The following ZCWPW2 variants were observed in gnomAD, a reference collection of about 807,000 sequenced individuals.
The protein encoded by ZCWPW2 is zinc finger CW-type and PWWP domain containing 2.
ZCWPW2 carries 45 observed loss-of-function variants against 46.6 expected under a neutral mutation model. The ratio of observed to expected loss-of-function variants is 0.96; its 90% CI spans 0.76 to 1.24. The LOEUF is 1.24. Among genes scored for constraint, ZCWPW2 ranks in the 50% most tolerant of loss-of-function variants. The pLI is 0.00. For synonymous variants in ZCWPW2, 152 were observed against 137.1 expected, an observed-to-expected ratio of 1.11 and a Z score of -0.76; for missense variants, 429 against 403.9, an observed-to-expected ratio of 1.06 and a Z score of -0.53.
At chr3:28,400,241 A>G (rs1695866853) in intron 2 of ZCWPW2, among the ~76,000 whole-genome samples, 1 of 152,096 alleles carries the variant, frequency 6.6e-6, no homozygotes, top group Admixed American at 6.5e-5. Flanking sequence ...ACAAAAAACA[A>G]CAACAACAAA....
At chr3:28,350,242 A>C (rs936654554) in intron 1 of ZCWPW2, among the ~76,000 whole-genome samples, 1 of 152,226 alleles carries the variant, frequency 6.6e-6, no homozygotes, top group Non-Finnish European at 1.5e-5. Context: ...AAATTGGTTG[A>C]GGCATCACAA....
In ZCWPW2 at chr3:28,478,811, T is replaced by C. The variant is rs111668902; in HGVS notation, c.493-3T>C. Reference sequence around the variant, plus strand: ...TTTTTTTCTTTTTTCTGTATTTATATAGCCAGAAAAGTGTAAGAATAAAAA... The same window carrying C: ...TTTTTTTCTTTTTTCTGTATTTATACAGCCAGAAAAGTGTAAGAATAAAAA... On this transcript the variant is annotated splice_polypyrimidine_tract_variant and splice_region_variant and intron_variant, in intron 4 of 9. Coordinates refer to ENST00000383768, the MANE Select transcript of ZCWPW2 (RefSeq NM_001040432.4). The C allele has an allele frequency of 1.3e-4, 199 of 1,484,486 alleles. 3 individuals are homozygous for C. In the African/African-American group the frequency reaches 2.4e-3, roughly 18 times the overall value. 92.0% of individuals were successfully genotyped at this position (1,484,486 alleles called of 1,614,324 possible). A position where few individuals can be genotyped will look rare whatever the true frequency, so the allele number is the denominator to read the frequency against.
intron 4 of ZCWPW2, among the ~76,000 whole-genome samples, chr3:28,467,772 G>A (rs761469752): frequency 2.0e-5 from 3 of 152,196 alleles, no homozygotes; most frequent in African/African-American, 4.8e-5. Flanking sequence ...CTAGGCTTAC[G>A]GGGCTCACTA....
intron 1 of ZCWPW2, among the ~76,000 whole-genome samples, chr3:28,389,062 T>G (rs1695385778): frequency 6.6e-6 from 1 of 152,154 alleles, no homozygotes; most frequent in Admixed American, 6.6e-5. Context: ...AACTTCCAGT[T>G]CAATGGAATC....
intron 1 of ZCWPW2, among the ~76,000 whole-genome samples, chr3:28,359,888 A>G (rs139035536): frequency 1.9e-3 from 294 of 152,276 alleles, no homozygotes; most frequent in African/African-American, 6.6e-3. Context: ...TATAATTCAT[A>G]ATTTCATTTG....
At chr3:28,498,514 G>A (rs1455496267) in intron 6 of ZCWPW2, among the ~76,000 whole-genome samples, 3 of 151,858 alleles carry the variant, frequency 2.0e-5, no homozygotes, top group Non-Finnish European at 2.9e-5. Context: ...TATTATAATA[G>A]GTGGTTAATA....
At chr3:28,407,160 C>T (rs1026607403) in intron 2 of ZCWPW2, among the ~76,000 whole-genome samples, 2 of 152,170 alleles carry the variant, frequency 1.3e-5, no homozygotes, top group African/African-American at 4.8e-5. Context: ...GCTCCATCAC[C>T]TTGGTAAAGT....
rs867644650 is a variant in ZCWPW2 at position 28,390,616 on chromosome 3, C to T, written c.-15C>T. On this transcript the variant is annotated splice_region_variant and 5_prime_UTR_variant, in exon 2 of 10. Coordinates refer to ENST00000383768, the MANE Select transcript of ZCWPW2 (RefSeq NM_001040432.4). ...CTAGGAACAAAAGAAAAGTCTAACT[C>T]CGTAAGTACTTGAGAAACTCCAAAA... The T allele has an allele frequency of 1.0e-6, 1 of 985,324 alleles. No homozygotes were observed. 61.0% of individuals were successfully genotyped at this position (985,324 alleles called of 1,614,324 possible). A position where few individuals can be genotyped will look rare whatever the true frequency, so the allele number is the denominator to read the frequency against.
At chr3:28,449,862 A>G (rs1698156035) in intron 4 of ZCWPW2, among the ~76,000 whole-genome samples, 1 of 152,170 alleles carries the variant, frequency 6.6e-6, no homozygotes, top group African/African-American at 2.4e-5. Flanking sequence ...GTAGGTACAT[A>G]TCTGTGGAAC....
chr3:28,498,008 T>C (rs1398033037), intron 6 of ZCWPW2, among the ~76,000 whole-genome samples: 1 of 152,060 alleles, frequency 6.6e-6, no homozygotes, highest in Admixed American at 6.6e-5. Context: ...TCCCGTGAAC[T>C]ATAAGATATT....
intron 2 of ZCWPW2, among the ~76,000 whole-genome samples, chr3:28,412,143 CTTTTTA>C (rs1055097100): frequency 7.3e-5 from 11 of 151,634 alleles, no homozygotes; most frequent in African/African-American, 2.2e-4. Flanking sequence ...GTACATTAGT[CTTTTTA>C]TTTTTAAGAA....
At chr3:28,395,490 A>G (rs1418770677) in intron 2 of ZCWPW2, among the ~76,000 whole-genome samples, 1 of 152,224 alleles carries the variant, frequency 6.6e-6, no homozygotes, top group Non-Finnish European at 1.5e-5. Context: ...CACATTAGCC[A>G]AGAAGTGGAA....
In ZCWPW2 at chr3:28,348,848, C is replaced by T; in HGVS notation, c.-489C>T. 1 of 670,470 alleles carries T rather than the reference C, an allele frequency of 1.5e-6. No homozygotes were observed. Among genetic ancestry groups the T allele is most frequent in the Non-Finnish European group, 1.8e-6 (1 of 541,988 alleles). 41.5% of individuals were successfully genotyped at this position (670,470 alleles called of 1,614,324 possible). A position where few individuals can be genotyped will look rare whatever the true frequency, so the allele number is the denominator to read the frequency against. On this transcript the variant is annotated 5_prime_UTR_variant, in exon 1 of 10. Transcript: ENST00000383768. ...AGGGACGAGCCGAGGCAGGAGGGGC[C>T]GGGCCGACGCGAGAGAAGGCCCGTT... is the stretch of plus-strand genomic sequence containing the variant.
chr3:28,453,811 ATTT>A (rs1454323757), intron 4 of ZCWPW2, among the ~76,000 whole-genome samples: 1 of 147,330 alleles, frequency 6.8e-6, no homozygotes, highest in Non-Finnish European at 1.5e-5. Context: ...TTATTTATTT[ATTT>A]ATTTATTTAT....
intron 4 of ZCWPW2, chr3:28,460,965 T>C (rs1450924258): frequency 3.9e-6 from 1 of 257,184 alleles, no homozygotes; most frequent in Non-Finnish European, 8.8e-6. Context: ...TTTATTTCTT[T>C]AGATTATGAG....
At chr3:28,496,747 A>G (rs183662492) in intron 6 of ZCWPW2, among the ~76,000 whole-genome samples, 2 of 152,014 alleles carry the variant, frequency 1.3e-5, no homozygotes, top group East Asian at 3.9e-4. Flanking sequence ...ATATTAGGTA[A>G]TTACTAAGTG....
At chr3:28,479,512 T>G (rs1299075784) in intron 5 of ZCWPW2, among the ~76,000 whole-genome samples, 1 of 152,190 alleles carries the variant, frequency 6.6e-6, no homozygotes, top group Non-Finnish European at 1.5e-5. Context: ...TATAGTAGGT[T>G]TGACATTTTT....
At chr3:28,365,160 C>A (rs1470376141) in intron 1 of ZCWPW2, among the ~76,000 whole-genome samples, 1 of 150,420 alleles carries the variant, frequency 6.6e-6, no homozygotes, top group Non-Finnish European at 1.5e-5. Context: ...AATTAGATCC[C>A]ATTTGTCAAT....
At chr3:28,356,548 T>C (rs1704739013) in intron 1 of ZCWPW2, among the ~76,000 whole-genome samples, 2 of 152,192 alleles carry the variant, frequency 1.3e-5, no homozygotes, top group South Asian at 2.1e-4. Context: ...TAAAGACACA[T>C]GCACACATAT....
Sources: gnomAD v4.1 joint callset for allele counts (sites outside exome capture counted in the v4.1 genomes callset) on GRCh38, gnomAD v4.1.1 for gene constraint, MANE v1.5 for transcripts, NCBI Gene and HGNC (gene_info 2026-07-23, HGNC 2026-07-21) for gene names.